The following CD99 variants were observed in gnomAD, a reference collection of about 807,000 sequenced individuals.
CD99 encodes the protein CD99 antigen.
CD99 carries 19 observed loss-of-function variants against 28.4 expected under a neutral mutation model. The ratio of observed to expected loss-of-function variants is 0.67; its 90% confidence interval spans 0.47 to 0.98. The LOEUF (loss-of-function observed/expected upper bound fraction) is 0.98. Among genes scored for constraint, CD99 ranks in the 50% least tolerant of loss-of-function variants. The pLI is 0.00. For synonymous variants in CD99, 103 were observed against 92.1 expected (o/e 1.12, Z -0.67); for missense variants, 283 against 248.8 (o/e 1.14, Z -0.92).
chrX:2,732,708 CT>C (rs1370931796), intron 8 of CD99, among the ~76,000 whole-genome samples: 1 of 134,946 alleles, frequency 7.4e-6, no homozygotes, highest in African/African-American at 3.6e-5. Context: ...GTACCTCTTT[CT>C]TTTTTCTCTC....
chrX:2,729,521 T>G (rs1443711000), intron 8 of CD99, among the ~76,000 whole-genome samples: 1 of 152,132 alleles, frequency 6.6e-6, no homozygotes, highest in Non-Finnish European at 1.5e-5. Context: ...TATGGTTCAG[T>G]GACCCCAACC....
chrX:2,692,721 A>G (rs2047386839), intron 1 of CD99, among the ~76,000 whole-genome samples: 1 of 152,100 alleles, frequency 6.6e-6, no homozygotes, highest in South Asian at 2.1e-4. Context: ...GTAGGGTTTT[A>G]TCAGCTGCAT....
intron 1 of CD99, among the ~76,000 whole-genome samples, chrX:2,707,882 G>T (rs1312489770): frequency 1.3e-5 from 2 of 152,124 alleles, no homozygotes; most frequent in East Asian, 3.8e-4. Context: ...GGCAAGTGGG[G>T]GTGTCTGCTG....
intron 1 of CD99, among the ~76,000 whole-genome samples, chrX:2,693,097 C>G (rs985811312): frequency 6.6e-6 from 1 of 151,820 alleles, no homozygotes; most frequent in African/African-American, 2.4e-5. Flanking sequence ...CTTATATTCT[C>G]TAAGCCCCAA....
chrX:2,733,289 A>G (rs1818247877), intron 8 of CD99: 12 of 1,522,018 alleles, frequency 7.9e-6, no homozygotes. Context: ...GCGCACAGCA[A>G]AAGCAGACCC....
intron 2 of CD99, among the ~76,000 whole-genome samples, chrX:2,716,801 C>T (rs1569439175): frequency 6.6e-6 from 1 of 152,168 alleles, no homozygotes; most frequent in Non-Finnish European, 1.5e-5. Flanking sequence ...TGGGAGGTGC[C>T]CTTAGTCTTA....
At position 2,738,268 on chromosome X, in the gene CD99, G is replaced by T; in HGVS notation, c.532+12G>T. 1 of 1,613,466 alleles carries T rather than the reference G, an allele frequency of 6.2e-7. No homozygotes were observed. On this transcript the variant is annotated intron_variant, in intron 9 of 9. Transcript: ENST00000381192. ...CGCAGAGCCAGCTGGTAAGAAGGAC[G>T]GGGAACGATGGCTTGCACACGTGGC... is the stretch of plus-strand genomic sequence containing the variant.
intron 1 of CD99, chrX:2,691,909 G>C: frequency 1.3e-6 from 1 of 779,352 alleles, no homozygotes; most frequent in Middle Eastern, 2.3e-4. Flanking sequence ...CCGGGTGGTG[G>C]GGGGAAGGGA....
At position 2,691,308 on chromosome X, in the gene CD99, C is replaced by T. The variant is rs771101681; in HGVS notation, c.-53C>T. 25 of 1,460,074 alleles carry T rather than the reference C, an allele frequency of 1.7e-5. No individual in the cohort carries two copies. The East Asian group carries it at 6.6e-4, about 39-fold the overall frequency. The allele number at this position is 1,460,074 out of a possible 1,614,324, so 90.4% of individuals were successfully genotyped here. On this transcript the variant is annotated 5_prime_UTR_variant, in exon 1 of 10. Transcript: ENST00000381192. ...CCGTGGGGGAGTATCTGTCCTGCCG[C>T]CTTCGCCCACGCCCTGCACTCCGGG...
At chrX:2,715,073 C>G (rs2048624034) in intron 2 of CD99, 1 of 152,250 alleles carries the variant, frequency 6.6e-6, no homozygotes, top group Admixed American at 6.5e-5. Context: ...GGCATCCTCC[C>G]TCTCGAAATC....
intron 1 of CD99, among the ~76,000 whole-genome samples, chrX:2,698,832 G>T (rs181496850): frequency 2.0e-3 from 298 of 152,278 alleles, no homozygotes; most frequent in Non-Finnish European, 2.6e-3. Flanking sequence ...CTAGATCCGA[G>T]GTTCTCAGCT....
chrX:2,733,670 G>C (rs2049792318), intron 8 of CD99: 1 of 499,594 alleles, frequency 2.0e-6, no homozygotes, highest in South Asian at 3.3e-5. Context: ...AACAGAAACA[G>C]GGCAGTGACT....
intron 2 of CD99, among the ~76,000 whole-genome samples, chrX:2,716,072 G>A (rs968941346): frequency 1.3e-5 from 2 of 149,592 alleles, no homozygotes; most frequent in Admixed American, 6.7e-5. Flanking sequence ...AGGCTGGAGT[G>A]CAGTGGCACG....
intron 7 of CD99, 113 bp downstream of exon 7, chrX:2,723,477 G>A: frequency 4.9e-6 from 6 of 1,227,070 alleles, no homozygotes; most frequent in Non-Finnish European, 7.2e-6. Context: ...AAAGCTACTG[G>A]CAGGAGGCAC....
chrX:2,716,836 T>G (rs748248888), intron 2 of CD99, among the ~76,000 whole-genome samples: 2 of 152,170 alleles, frequency 1.3e-5, no homozygotes, highest in Non-Finnish European at 2.9e-5. Flanking sequence ...TTTGCCTGAT[T>G]GGCTTCCATT....
chrX:2,732,904 TCTTTCCTTCCTTC>T (rs1161665086), intron 8 of CD99, among the ~76,000 whole-genome samples: 1 of 140,926 alleles, frequency 7.1e-6, no homozygotes, highest in Non-Finnish European at 1.5e-5. Flanking sequence ...CTCCTTCCCT[TCTTTCCTTCCTTC>T]CTTCCCTTCC....
chrX:2,710,630 T>G (rs2048352904), intron 1 of CD99, among the ~76,000 whole-genome samples: 1 of 151,852 alleles, frequency 6.6e-6, no homozygotes, highest in African/African-American at 2.4e-5. Context: ...AAAGAATACA[T>G]TATGGACTCT....
intron 1 of CD99, among the ~76,000 whole-genome samples, chrX:2,694,478 C>A (rs774918913): frequency 2.4e-3 from 363 of 150,242 alleles, no homozygotes; most frequent in African/African-American, 8.1e-3. Flanking sequence ...AGGCCGAGCA[C>A]GGTGACTCAG....
chrX:2,691,773 G>T, intron 1 of CD99: 1 of 764,932 alleles, frequency 1.3e-6, no homozygotes, highest in Non-Finnish European at 2.4e-6. Flanking sequence ...ACCCCACCCC[G>T]TTATCTACCC....
Sources: gnomAD v4.1 joint callset for allele counts (sites outside exome capture counted in the v4.1 genomes callset) on GRCh38, gnomAD v4.1.1 for gene constraint, MANE v1.5 for transcripts, NCBI Gene and HGNC (gene_info 2026-07-23, HGNC 2026-07-21) for gene names.